Variants in APLP2 observed in about 807,000 individuals in gnomAD.
APLP2 encodes amyloid beta precursor like protein 2.
In APLP2, 53 loss-of-function variants were observed where a neutral mutation model predicts 89.9. The ratio of observed to expected loss-of-function variants is 0.59; its 90% CI spans 0.47 to 0.74. The LOEUF (loss-of-function observed/expected upper bound fraction) is 0.74. Among genes scored for constraint, APLP2 ranks in the 30% least tolerant of loss-of-function variants. The pLI is 0.00. For missense variants in APLP2, 973 were observed against 975.9 expected (o/e 1.00, Z 0.04); for synonymous variants, 372 against 348.6 (o/e 1.07, Z -0.75).
chr11:130,115,660 T>C (rs537211384), intron 3 of APLP2, among the ~76,000 whole-genome samples: 152 of 152,356 alleles, frequency 1.0e-3, no homozygotes, highest in South Asian at 2.7e-3. Context: ...GCTGATAAAA[T>C]TGAGGATGTT....
intron 7 of APLP2, among the ~76,000 whole-genome samples, chr11:130,126,467 A>G (rs1487458616): frequency 1.3e-5 from 2 of 152,238 alleles, no homozygotes; most frequent in African/African-American, 4.8e-5. Flanking sequence ...CTGGTGCTGA[A>G]GCTGCCAATA....
chr11:130,104,609 C>T (rs1328986517), intron 1 of APLP2, among the ~76,000 whole-genome samples: 2 of 152,144 alleles, frequency 1.3e-5, no homozygotes, highest in African/African-American at 4.8e-5. Flanking sequence ...TTAAGCACCA[C>T]TAGAGTATTA....
chr11:130,122,570 T>A, intron 6 of APLP2, 57 bp downstream of exon 6: 1 of 1,606,164 alleles, frequency 6.2e-7, no homozygotes. Context: ...TCACTTAGAC[T>A]TTTGCATTGC....
rs546608247 is a variant in APLP2 at position 130,097,341 on chromosome 11, T to C, written c.106-12088T>C. Among the ~76,000 whole-genome samples, 5 of 152,364 alleles carry C rather than the reference T, an allele frequency of 3.3e-5. No homozygotes were observed. The East Asian group carries it at 9.6e-4, about 29-fold the overall frequency. ...GGCAAATTGTCAGATTTTCTTGTTATAAGCAAAGATATGGGTTATTCACCC... is the reference window on the plus strand; with the variant it reads ...GGCAAATTGTCAGATTTTCTTGTTACAAGCAAAGATATGGGTTATTCACCC... On this transcript the variant is annotated intron_variant, in intron 1 of 16. Transcript: ENST00000338167.
In APLP2 at chr11:130,122,422, C is replaced by A. The variant is rs1232433740; in HGVS notation, c.831C>A (p.Thr277=). 6.2e-7 allele frequency: 1 copy of A among 1,614,132 alleles called. No homozygotes were observed. The highest frequency in any genetic ancestry group is 2.2e-5 in the East Asian group (1 of 44,884). ...AGGACCGAGATTACTACTATGACAC[C>A]TTCAAAGGAGATGACTACAATGAGG... is the stretch of plus-strand genomic sequence containing the variant. ...VVEDRDYYYD[T]FKGDDYNEEN... Residue 277 remains threonine, a synonymous_variant, in exon 6 of 17, where the codon ACC becomes ACA. Transcript: ENST00000338167.
chr11:130,143,594 A>G lies in APLP2; in HGVS notation c.*146A>G. ...GGACTGTAGGACTATATAAAGTACT[A>G]CTGTAGAACTGCAATTTCCATTCTT... On this transcript the variant is annotated 3_prime_UTR_variant, in exon 17 of 17. Coordinates refer to ENST00000338167, the MANE Select transcript of APLP2 (RefSeq NM_001142276.2). The G allele has an allele frequency of 3.2e-6, 2 of 618,122 alleles. No homozygotes were observed. Among genetic ancestry groups the G allele is most frequent in the Non-Finnish European group, 5.7e-6 (2 of 347,848 alleles). 38.3% of individuals were successfully genotyped at this position (618,122 alleles called of 1,614,324 possible). A position where few individuals can be genotyped will look rare whatever the true frequency, so the allele number is the denominator to read the frequency against.
intron 9 of APLP2, 91 bp from the exon 10 acceptor site, chr11:130,128,957 C>T (rs755429940): frequency 2.3e-5 from 33 of 1,437,278 alleles, no homozygotes; most frequent in Non-Finnish European, 3.0e-5. Context: ...CGCATGGGCA[C>T]TGACAGGAGA....
In APLP2 at chr11:130,138,985, CAT is replaced by C. The variant is rs1217149352; in HGVS notation, c.1838-1406_1838-1405del. 5.9e-5 allele frequency: 9 copies of C among 152,136 alleles called. No individual in the cohort carries two copies. In the East Asian group the frequency reaches 1.7e-3, roughly 29 times the overall value. The allele number at this position is 152,136 out of a possible 1,614,324, so 9.4% of individuals were successfully genotyped here. A position where few individuals can be genotyped will look rare whatever the true frequency, so the allele number is the denominator to read the frequency against. On this transcript the variant is annotated intron_variant, in intron 13 of 16. Transcript: ENST00000338167. Reference sequence around the variant, plus strand: ...CCTTTAAAATTCTGGGAGAGAGAAACATATATATGGAAGGAGCTCAGAATTAC... The same window carrying C: ...CCTTTAAAATTCTGGGAGAGAGAAACATATATGGAAGGAGCTCAGAATTAC...
intron 1 of APLP2, among the ~76,000 whole-genome samples, chr11:130,098,518 A>G (rs1455184022): frequency 1.3e-5 from 2 of 152,180 alleles, no homozygotes; most frequent in Non-Finnish European, 2.9e-5. Flanking sequence ...GACATTGGTT[A>G]TTCATGTTTG....
intron 12 of APLP2, 88 bp from the exon 13 acceptor site, chr11:130,135,475 G>A: frequency 3.5e-6 from 5 of 1,437,510 alleles, no homozygotes; most frequent in Admixed American, 2.0e-5. Flanking sequence ...GGGAGCCACA[G>A]TGGGGTCTTG....
chr11:130,117,703 A>G (rs1249422268), intron 3 of APLP2, among the ~76,000 whole-genome samples: 1 of 152,202 alleles, frequency 6.6e-6, no homozygotes, highest in African/African-American at 2.4e-5. Flanking sequence ...ATCATACTGT[A>G]CCTGACCTTT....
In APLP2 at chr11:130,143,285, C is replaced by A; in HGVS notation, c.2155-62C>A. ...TTGTGCAGCAAATGGCTCAGGTCTCCCAGCACCCTGTGCAGGTCTCTTCCC... is the reference window on the plus strand; with the variant it reads ...TTGTGCAGCAAATGGCTCAGGTCTCACAGCACCCTGTGCAGGTCTCTTCCC... On this transcript the variant is annotated intron_variant, in intron 16 of 16. Coordinates refer to ENST00000338167, the MANE Select transcript of APLP2 (RefSeq NM_001142276.2). The A allele has an allele frequency of 2.0e-6, 3 of 1,493,464 alleles. No homozygotes were observed. The African/African-American group carries it at 4.1e-5, about 21-fold the overall frequency. The allele number at this position is 1,493,464 out of a possible 1,614,324, so 92.5% of individuals were successfully genotyped here. A position where few individuals can be genotyped will look rare whatever the true frequency, so the allele number is the denominator to read the frequency against.
intron 1 of APLP2, among the ~76,000 whole-genome samples, chr11:130,071,803 T>C (rs1170881302): frequency 6.6e-6 from 1 of 152,240 alleles, no homozygotes; most frequent in East Asian, 1.9e-4. Flanking sequence ...AATGGTTTTA[T>C]GGTAACTCCT....
rs757770441 is a variant in APLP2, at chr11:130,141,549, G to A, written c.1975G>A (p.Val659Ile). ...GGAAATGATTTTCAATGCCGAGAGA[G>A]TTGGAGGCCTCGAGGAAGAGCGGGT... ...VKEMIFNAER[V>I]GGLEEERESV... Residue 659 changes from valine (V) to isoleucine (I), a missense_variant, in exon 15 of 17, where the codon GTT becomes ATT. Coordinates refer to ENST00000338167, the MANE Select transcript of APLP2 (RefSeq NM_001142276.2). This position sits in a 1 kb window ranked among gnomAD's most constrained non-coding sequence, Gnocchi z 4.2. The A allele has an allele frequency of 6.2e-7, 1 of 1,614,040 alleles. No individual in the cohort carries two copies. Among genetic ancestry groups the A allele is most frequent in the Admixed American group, 1.7e-5 (1 of 60,004 alleles).
At position 130,120,020 on chromosome 11, in the gene APLP2, A is replaced by G. The variant is rs137874770; in HGVS notation, c.404-686A>G. 3.7e-4 allele frequency among the ~76,000 whole-genome samples: 56 copies of G among 152,298 alleles called. No homozygotes were observed. In the East Asian group the frequency reaches 8.3e-3, roughly 23 times the overall value. ...AGAGTCCATGCCATTTGTTTAATGT[A>G]ATGTCCCTGAGTTTGGATTTGTCTT... On this transcript the variant is annotated intron_variant, in intron 3 of 16. Coordinates refer to ENST00000338167, the MANE Select transcript of APLP2 (RefSeq NM_001142276.2).
At chr11:130,091,568 C>T (rs9667468) in intron 1 of APLP2, among the ~76,000 whole-genome samples, 4,067 of 58,994 alleles carry the variant, frequency 0.069, 4 homozygotes, top group Non-Finnish European at 0.095. Context: ...CCCTCCCGGA[C>T]GGGGCGGCTG....
In APLP2 at chr11:130,143,480, G is replaced by A. The variant is rs754892934; in HGVS notation, c.*32G>A. Reference sequence around the variant, plus strand: ...GGGAGCGCGGCAGCCCTGGCGGAGGGATGCAGGTGGGCCGGAAGATCCCAC... The same window carrying A: ...GGGAGCGCGGCAGCCCTGGCGGAGGAATGCAGGTGGGCCGGAAGATCCCAC... On this transcript the variant is annotated 3_prime_UTR_variant, in exon 17 of 17. Coordinates refer to ENST00000338167, the MANE Select transcript of APLP2 (RefSeq NM_001142276.2). The A allele has an allele frequency of 6.4e-7, 1 of 1,571,026 alleles. No individual in the cohort carries two copies. Among genetic ancestry groups the A allele is most frequent in the East Asian group, 2.2e-5 (1 of 44,666 alleles).
intron 3 of APLP2, among the ~76,000 whole-genome samples, chr11:130,117,868 A>T (rs1949377193): frequency 6.6e-6 from 1 of 152,102 alleles, no homozygotes; most frequent in South Asian, 2.1e-4. Flanking sequence ...AGGTCAGTAG[A>T]TCGAGACCAT....
chr11:130,098,527 T>C (rs1008047960), intron 1 of APLP2, among the ~76,000 whole-genome samples: 1 of 152,260 alleles, frequency 6.6e-6, no homozygotes, highest in Non-Finnish European at 1.5e-5. Context: ...TATTCATGTT[T>C]GTGGTTTTAA....
Sources: gnomAD v4.1 joint callset for allele counts (sites outside exome capture counted in the v4.1 genomes callset) on GRCh38, gnomAD v4.1.1 for gene constraint, Gnocchi (gnomAD v3.1) non-coding constraint, MANE v1.5 for transcripts, NCBI Gene and HGNC (gene_info 2026-07-23, HGNC 2026-07-21) for gene names.